Variants in KEL observed in about 807,000 individuals in gnomAD.
The protein encoded by KEL is kell blood group glycoprotein.
Under a neutral mutation model 99.5 loss-of-function variants are expected in KEL, and 96 were observed. The ratio of observed to expected loss-of-function variants is 0.97; its 90% CI spans 0.82 to 1.14. The LOEUF (loss-of-function observed/expected upper bound fraction) is 1.14. KEL is among the 50% of genes most tolerant of loss of function. The pLI, the probability that KEL is intolerant of heterozygous loss-of-function variation, is 0.00. For synonymous variants in KEL, 355 were observed against 354.8 expected, an observed-to-expected ratio of 1.00 and a Z score of -0.01; for missense variants, 926 against 924.2, an observed-to-expected ratio of 1.00 and a Z score of -0.03.
chr7:142,950,106 T>C (rs530579892), intron 10 of KEL, among the ~76,000 whole-genome samples: 3 of 152,244 alleles, frequency 2.0e-5, no homozygotes, highest in East Asian at 1.9e-4. Context: ...CTCTAGGTGA[T>C]GTCTTTGATT....
intron 6 of KEL, among the ~76,000 whole-genome samples, chr7:142,957,058 G>A (rs1032403301): frequency 2.6e-5 from 4 of 152,202 alleles, no homozygotes; most frequent in Non-Finnish European, 5.9e-5. Flanking sequence ...CTGTTCTAAA[G>A]AGGCTCACAA....
intron 11 of KEL, 114 bp downstream of exon 11, chr7:142,946,093 G>C: frequency 1.3e-6 from 1 of 771,910 alleles, no homozygotes; most frequent in Non-Finnish European, 2.2e-6. Flanking sequence ...TTCTCTGACT[G>C]CCCAATTCCC....
chr7:142,944,622 A>G (rs1315931310), intron 12 of KEL, 21 bp downstream of exon 12: 1 of 1,583,798 alleles, frequency 6.3e-7, no homozygotes, highest in Non-Finnish European at 8.7e-7. Context: ...CTCCCACACC[A>G]GCCAGGACGC....
At position 142,944,679 on chromosome 7, in the gene KEL, C is replaced by T. The variant is rs61729052; in HGVS notation, c.1377G>A (p.Trp459Ter). The part of the protein sequence containing the change: ...ALITRLRNLP[W>*]MNEETQNMAQ... ...CCATGTTCTGGGTCTCCTCATTCAT[C>T]CAGGGAAGGTTTCTGAGGCGAGTGA... The change falls in exon 12 of 19, where the codon TGG (tryptophan) becomes TGA (stop). Residue 459 changes from tryptophan to a stop codon, truncating the protein, a stop_gained. Coordinates refer to ENST00000355265, the MANE Select transcript of KEL (RefSeq NM_000420.3). LOFTEE classifies it high-confidence loss of function. 1 of 1,614,112 alleles carries T rather than the reference C, an allele frequency of 6.2e-7. No individual in the cohort carries two copies. The highest frequency in any genetic ancestry group is 2.2e-5 in the East Asian group (1 of 44,848).
Position 142,955,683 on chromosome 7 carries a change from C to T in KEL, c.673-1156G>A, listed in dbSNP as rs529375789. ...TCTTTGCTTCTACTCTTTCCCTTTT[C>T]TTCTCCAATTTCAATATCCCACTCT... On this transcript the variant is annotated intron_variant, in intron 6 of 18. Transcript: ENST00000355265. 3.9e-5 allele frequency among the ~76,000 whole-genome samples: 6 copies of T among 152,226 alleles called. No homozygotes were observed. In the East Asian group the frequency reaches 1.2e-3, roughly 29 times the overall value.
chr7:142,952,559 G>A lies in KEL; in HGVS notation c.1153C>T (p.Arg385Cys), dbSNP rs143217520. ...CGCAGTTTCTGGCTGAGCTTTCTGC[G>A]TGCCTCCTGGAATTGACTGTCCAGG... is the stretch of plus-strand genomic sequence containing the variant. ...PALDSQFQEARRKLSQKLREL... is the reference protein window; with the variant it reads ...PALDSQFQEACRKLSQKLREL... Residue 385 changes from arginine (R) to cysteine (C), a missense_variant, in exon 10 of 19, where the codon CGC becomes TGC. Arg to Cys is a radical substitution (Grantham distance 180). Coordinates refer to ENST00000355265, the MANE Select transcript of KEL (RefSeq NM_000420.3). 8.8e-5 allele frequency: 142 copies of A among 1,614,062 alleles called. No homozygotes were observed. The African/African-American group carries it at 9.3e-4, about 11-fold the overall frequency.
intron 9 of KEL, 105 bp from the exon 10 acceptor site, chr7:142,952,743 C>T (rs927064339): frequency 1.5e-6 from 2 of 1,303,322 alleles, no homozygotes; most frequent in African/African-American, 2.9e-5. Context: ...AAGGCAGCTC[C>T]TTCTCCTCTG....
chr7:142,952,205 A>G (rs8176001), intron 10 of KEL, among the ~76,000 whole-genome samples: 12,514 of 152,252 alleles, frequency 0.082, 1,215 homozygotes, highest in African/African-American at 0.24. Flanking sequence ...TAGTGTAAGC[A>G]TCATGACAAA....
At chr7:142,944,609 A>C in intron 12 of KEL, 34 bp downstream of exon 12, 1 of 1,533,052 alleles carries the variant, frequency 6.5e-7, no homozygotes, top group Non-Finnish European at 9.0e-7. Context: ...TTCCCTGCAC[A>C]GGCTCCCACA....
rs763303171 is a variant in KEL at position 142,961,104 on chromosome 7, C to A, written c.224G>T (p.Arg75Leu). The stretch of plus-strand genomic sequence containing the variant: ...CAAACACACAGATGTCTCACAGGGG[C>A]CTGTGGGGAAAAGCTCAGAGCTGGG... The part of the protein sequence containing the change: ...LFYNFQNCGP[R>L]PCETSVCLDL... The change falls in exon 4 of 19, where the codon CGC becomes CTC. Residue 75 changes from arginine to leucine, a missense_variant and splice_region_variant. By Grantham distance (102) the Arg-to-Leu change is moderately radical. Transcript: ENST00000355265. 6.2e-7 allele frequency: 1 copy of A among 1,613,340 alleles called. No individual in the cohort carries two copies. Among genetic ancestry groups the A allele is most frequent in the African/African-American group, 1.3e-5 (1 of 74,874 alleles).
In KEL at chr7:142,941,364, G is replaced by C. The variant is rs753042898; in HGVS notation, c.2087C>G (p.Pro696Arg). Residue 696 changes from proline to arginine, a missense_variant, in exon 19 of 19, where the codon CCT (proline) becomes CGT (arginine). Physicochemically the swap from Pro to Arg is moderately radical, Grantham distance 103. Transcript: ENST00000355265. ...GGGCCCGTGGACTCGGAGGTGTGGAGGGCTGTGAGTGTCGTGAGAGTCCTG... is the reference window on the plus strand; with the variant it reads ...GGGCCCGTGGACTCGGAGGTGTGGACGGCTGTGAGTGTCGTGAGAGTCCTG... ...SPQDSHDTHS[P>R]PHLRVHGPLS... is the part of the protein sequence containing the mutation. The C allele has an allele frequency of 1.2e-6, 2 of 1,612,136 alleles. No homozygotes were observed. The highest frequency in any genetic ancestry group is 8.5e-7 in the Non-Finnish European group (1 of 1,178,422).
At chr7:142,959,020 TTTGA>T (rs8175969) in intron 4 of KEL, among the ~76,000 whole-genome samples, 3,410 of 152,288 alleles carry the variant, frequency 0.022, 133 homozygotes, top group African/African-American at 0.077. Context: ...CTTAAATGTA[TTTGA>T]TTGATGTCTC....
At chr7:142,954,400 T>G in intron 7 of KEL, 28 bp from the exon 8 acceptor site, 1 of 1,612,874 alleles carries the variant, frequency 6.2e-7, no homozygotes, top group Non-Finnish European at 8.5e-7. Context: ...CAGTCACAGG[T>G]GCCAGAGGTC....
intron 17 of KEL, 62 bp downstream of exon 17, chr7:142,942,813 C>A (rs142691451): frequency 1.3e-6 from 2 of 1,594,868 alleles, no homozygotes; most frequent in East Asian, 4.5e-5. Context: ...GGAAGGAAAA[C>A]TTGAGGACAT....
intron 16 of KEL, 106 bp from the exon 17 acceptor site, chr7:142,943,150 T>G: frequency 6.4e-7 from 1 of 1,555,574 alleles, no homozygotes; most frequent in Non-Finnish European, 8.8e-7. Flanking sequence ...CCCAGGAGCA[T>G]GGCAAAGTTC....
At position 142,943,585 on chromosome 7, in the gene KEL, G is replaced by T; in HGVS notation, c.1604C>A (p.Ser535Tyr). 8 of 1,613,304 alleles carry T rather than the reference G, an allele frequency of 5.0e-6. No homozygotes were observed. The highest frequency in any genetic ancestry group is 6.8e-6 in the Non-Finnish European group (8 of 1,179,302). The change falls in exon 15 of 19, where the codon TCC (serine) becomes TAC (tyrosine). Residue 535 changes from serine to tyrosine, a missense_variant. Ser to Tyr is a moderately radical substitution (Grantham distance 144). Transcript: ENST00000355265. ...QPHPQHRWKV[S>Y]PWDVNAYYSV... The stretch of plus-strand genomic sequence containing the variant: ...ATAGTAAGCATTGACGTCCCAAGGG[G>T]ACACCTTCCACCTGTGGGAAGAGGA...
intron 8 of KEL, 26 bp downstream of exon 8, chr7:142,954,158 G>A: frequency 6.2e-7 from 1 of 1,602,448 alleles, no homozygotes; most frequent in Non-Finnish European, 8.5e-7. Flanking sequence ...CATGCCCACA[G>A]TCTTCTGGCC....
chr7:142,954,711 C>A (rs1586265846), intron 6 of KEL, among the ~76,000 whole-genome samples, 184 bp from the exon 7 acceptor site: 1 of 152,100 alleles, frequency 6.6e-6, no homozygotes, highest in Non-Finnish European at 1.5e-5. Flanking sequence ...AAGAAGAGTC[C>A]AGATGTGAAA....
chr7:142,954,234 G>T lies in KEL; in HGVS notation c.874C>A (p.Arg292=), dbSNP rs371571715. 3 of 1,613,624 alleles carry T rather than the reference G, an allele frequency of 1.9e-6. No individual in the cohort carries two copies. The highest frequency in any genetic ancestry group is 2.5e-6 in the Non-Finnish European group (3 of 1,180,002). Residue 292 remains arginine (R), a synonymous_variant, in exon 8 of 19, where the codon CGG becomes AGG. Transcript: ENST00000355265. ...TGGAAGAGCTTGCCCTGTGCCCGCC[G>T]CTGCTCCAGGGGCCTCAGAAACTGG... ...LFQFLRPLEQ[R]RAQGKLFQMV... is the part of the protein sequence containing the mutation.
Sources: gnomAD v4.1 joint callset for allele counts (sites outside exome capture counted in the v4.1 genomes callset) on GRCh38, gnomAD v4.1.1 for gene constraint, MANE v1.5 for transcripts, NCBI Gene and HGNC (gene_info 2026-07-23, HGNC 2026-07-21) for gene names.